PDE1C: variants seen among roughly 807,000 people sequenced by gnomAD.
The protein encoded by PDE1C is dual specificity calcium/calmodulin-dependent 3',5'-cyclic nucleotide phosphodiesterase 1C.
A neutral mutation model predicts 93.1 loss-of-function variants in PDE1C; 62 were observed. That is an observed-to-expected ratio of 0.67 (90% CI 0.54 to 0.82). The LOEUF (loss-of-function observed/expected upper bound fraction) is 0.82. Among genes scored for constraint, PDE1C ranks in the 40% least tolerant of loss-of-function variants. The pLI, the probability that PDE1C is intolerant of heterozygous loss-of-function variation, is 0.00. For missense variants in PDE1C, 742 were observed against 884.6 expected, an observed-to-expected ratio of 0.84 and a Z score of 2.04; for synonymous variants, 325 against 310.1, an observed-to-expected ratio of 1.05 and a Z score of -0.50.
chr7:32,333,014 T>A (rs1783544776), intron 1 of PDE1C, among the ~76,000 whole-genome samples: 2 of 152,180 alleles, frequency 1.3e-5, no homozygotes. Context: ...TCGATTTGTC[T>A]GCATTTATGT....
intron 1 of PDE1C, among the ~76,000 whole-genome samples, chr7:32,233,974 A>T (rs1277275436): frequency 6.6e-6 from 1 of 152,096 alleles, no homozygotes; most frequent in African/African-American, 2.4e-5. Flanking sequence ...ATGAAATTAG[A>T]CAGAAAGTCA....
chr7:31,656,047 G>A, the PDE1C span: 1 of 979,534 alleles, frequency 1.0e-6, no homozygotes, highest in Non-Finnish European at 1.2e-6. Context: ...TAAGTCCTAG[G>A]GCAGACCCCA....
At chr7:31,871,321 G>C (rs1238332734) in intron 6 of PDE1C, among the ~76,000 whole-genome samples, 2 of 151,890 alleles carry the variant, frequency 1.3e-5, no homozygotes, top group African/African-American at 4.8e-5. Context: ...AAGATTTTAT[G>C]GCTAACACCT....
the PDE1C span, among the ~76,000 whole-genome samples, chr7:31,663,820 C>T: frequency 3.3e-5 from 5 of 152,076 alleles, no homozygotes; most frequent in East Asian, 1.9e-4. Flanking sequence ...ATTTACATAC[C>T]GTGTTTGGGA....
the PDE1C span, among the ~76,000 whole-genome samples, chr7:31,645,986 G>A: frequency 6.6e-6 from 1 of 152,132 alleles, no homozygotes; most frequent in Non-Finnish European, 1.5e-5. Flanking sequence ...CATTTTGAGA[G>A]GCCGTATGGG....
At chr7:31,646,901 A>C in the PDE1C span, among the ~76,000 whole-genome samples, 1 of 152,208 alleles carries the variant, frequency 6.6e-6, no homozygotes, top group Admixed American at 6.5e-5. Flanking sequence ...TTTTATATCC[A>C]GTTGATTTGA....
chr7:31,738,002 T>C, the PDE1C span, among the ~76,000 whole-genome samples: 2 of 152,068 alleles, frequency 1.3e-5, no homozygotes, highest in Admixed American at 6.6e-5. Flanking sequence ...CCTTCCCCTT[T>C]GGGCTGGAGT....
intron 1 of PDE1C, among the ~76,000 whole-genome samples, chr7:32,261,370 T>A (rs1253883254): frequency 6.6e-6 from 1 of 151,922 alleles, no homozygotes; most frequent in East Asian, 1.9e-4. Context: ...TATGATTCCA[T>A]CTCCAACCTG....
chr7:31,934,721 T>C (rs1056662149), intron 2 of PDE1C, among the ~76,000 whole-genome samples: 1 of 152,218 alleles, frequency 6.6e-6, no homozygotes, highest in Non-Finnish European at 1.5e-5. Context: ...TCTCCTCTTA[T>C]GCCATCATTC....
the PDE1C span, among the ~76,000 whole-genome samples, chr7:31,681,439 A>T: frequency 9.5e-4 from 145 of 152,062 alleles, 1 homozygote; most frequent in African/African-American, 3.4e-3. Context: ...TTATCTTCCT[A>T]GATTATCTTT....
intron 1 of PDE1C, among the ~76,000 whole-genome samples, chr7:32,368,701 C>A (rs1784269777): frequency 6.6e-6 from 1 of 151,954 alleles, no homozygotes; most frequent in Non-Finnish European, 1.5e-5. Context: ...CCAAAGCAAT[C>A]CTAAGCAAAA....
chr7:32,308,048 A>G (rs1418194583), intron 1 of PDE1C, among the ~76,000 whole-genome samples: 4 of 152,210 alleles, frequency 2.6e-5, no homozygotes, highest in Admixed American at 6.5e-5. Context: ...CACTTTTCCA[A>G]TGGGCTTAAA....
At chr7:31,986,269 C>T (rs1783384740) in intron 2 of PDE1C, among the ~76,000 whole-genome samples, 7 of 152,104 alleles carry the variant, frequency 4.6e-5, no homozygotes, top group Non-Finnish European at 1.5e-5. Flanking sequence ...AGCTGTCTGA[C>T]TCCAATTTCT....
chr7:31,905,706 T>C (rs1800507466), intron 2 of PDE1C, among the ~76,000 whole-genome samples: 1 of 152,194 alleles, frequency 6.6e-6, no homozygotes, highest in Non-Finnish European at 1.5e-5. Flanking sequence ...CTCAAGTTGA[T>C]ACAAAATTGG....
At chr7:32,375,027 G>C (rs982576029) in intron 1 of PDE1C, among the ~76,000 whole-genome samples, 2 of 152,036 alleles carry the variant, frequency 1.3e-5, no homozygotes, top group Non-Finnish European at 2.9e-5. Context: ...TAATAAAAAG[G>C]GTAATGTGAG....
chr7:32,313,591 A>G (rs1222151627), intron 1 of PDE1C, among the ~76,000 whole-genome samples: 1 of 152,122 alleles, frequency 6.6e-6, no homozygotes. Flanking sequence ...GGATGAGTTC[A>G]TGTCCTTTGT....
At chr7:32,316,105 T>C (rs1197281281) in intron 1 of PDE1C, among the ~76,000 whole-genome samples, 1 of 152,256 alleles carries the variant, frequency 6.6e-6, no homozygotes, top group Non-Finnish European at 1.5e-5. Context: ...GTAAACCTCA[T>C]GAGGGCTGTG....
intron 3 of PDE1C, among the ~76,000 whole-genome samples, chr7:32,082,435 G>T (rs1584724231): frequency 6.6e-6 from 1 of 152,236 alleles, no homozygotes; most frequent in East Asian, 1.9e-4. Context: ...CTGGGGACAG[G>T]GCACAGACAA....
intron 2 of PDE1C, among the ~76,000 whole-genome samples, chr7:32,179,284 G>C (rs1803223666): frequency 1.9e-5 from 2 of 107,174 alleles, no homozygotes; most frequent in African/African-American, 7.1e-5. Flanking sequence ...TTTTTTTTTG[G>C]AGTCTCACTC....
Sources: allele counts gnomAD v4.1 joint callset (sites outside exome capture counted in the v4.1 genomes callset), GRCh38; gene constraint gnomAD v4.1.1; transcripts MANE v1.5; gene names NCBI Gene and HGNC (gene_info 2026-07-23, HGNC 2026-07-21).